DOCK11: variants seen among roughly 807,000 people sequenced by gnomAD.
DOCK11 encodes the protein dedicator of cytokinesis protein 11.
A neutral mutation model predicts 169.1 loss-of-function variants in DOCK11; 70 were observed. The observed-to-expected ratio is 0.41, with a 90% CI of 0.34 to 0.51. DOCK11 has a LOEUF of 0.51. Ranked by LOEUF, DOCK11 falls within the 20% of genes least tolerant of loss-of-function variation. DOCK11 has a pLI of 0.10. For synonymous variants in DOCK11, 529 were observed against 541.3 expected, an observed-to-expected ratio of 0.98 and a Z score of 0.32; for missense variants, 1,166 against 1,538.8, an observed-to-expected ratio of 0.76 and a Z score of 4.05.
chrX:118,681,218 A>G lies in DOCK11; in HGVS notation c.5832A>G (p.Gln1944=). The G allele has an allele frequency of 8.3e-7, 1 of 1,199,411 alleles. No homozygotes were observed. Among genetic ancestry groups the G allele is most frequent in the Non-Finnish European group, 1.1e-6 (1 of 890,661 alleles). Residue 1944 remains glutamine (Q), a synonymous_variant, in exon 50 of 53, where the codon CAA becomes CAG. Transcript: ENST00000276202. ...CTGACGTGGACATGATTCAGCTCCA[A>G]CTTAAATTGCAGGGCTGTGTTTCTG... The part of the protein sequence containing the change: ...SSTDVDMIQL[Q]LKLQGCVSVQ...
At chrX:118,551,286 C>T (rs1364598609) in intron 6 of DOCK11, among the ~76,000 whole-genome samples, 2 of 112,608 alleles carry the variant, frequency 1.8e-5, no homozygotes, top group Non-Finnish European at 3.7e-5. Flanking sequence ...TGCCCTGTGG[C>T]TTGACACTGG....
intron 45 of DOCK11, among the ~76,000 whole-genome samples, chrX:118,667,420 CAG>C (rs1279706903): frequency 1.7e-5 from 1 of 59,577 alleles, no homozygotes; most frequent in African/African-American, 6.0e-5. Context: ...TTTTTTAAGA[CAG>C]TTTTTTTTTT....
chrX:118,661,465 T>G (rs996635787), intron 44 of DOCK11, among the ~76,000 whole-genome samples: 42 of 110,994 alleles, frequency 3.8e-4, no homozygotes, highest in African/African-American at 1.3e-3. Context: ...GTCTGATTTT[T>G]TTTTTAAACC....
At chrX:118,652,341 T>G (rs1350966966) in intron 42 of DOCK11, among the ~76,000 whole-genome samples, 1 of 111,189 alleles carries the variant, frequency 9.0e-6, no homozygotes, top group African/African-American at 3.3e-5. Flanking sequence ...AAGTCGAATC[T>G]GAATTTTTTT....
chrX:118,635,693 T>G (rs1323909325), intron 35 of DOCK11, among the ~76,000 whole-genome samples: 2 of 111,715 alleles, frequency 1.8e-5, no homozygotes, highest in Non-Finnish European at 3.8e-5. Flanking sequence ...GTTCAAGTGA[T>G]TCTCCTGCCT....
chrX:118,679,139 A>G (rs2016680912), intron 48 of DOCK11, among the ~76,000 whole-genome samples: 1 of 110,613 alleles, frequency 9.0e-6, no homozygotes, highest in Non-Finnish European at 1.9e-5. Context: ...ATGTTGCCCA[A>G]GCTGGTCTCA....
intron 41 of DOCK11, among the ~76,000 whole-genome samples, chrX:118,650,120 A>T (rs1473975512): frequency 9.0e-6 from 1 of 111,648 alleles, no homozygotes; most frequent in Non-Finnish European, 1.9e-5. Context: ...ATCATAGCTT[A>T]AATCCTTACA....
intron 14 of DOCK11, among the ~76,000 whole-genome samples, chrX:118,582,234 T>C (rs760231528): frequency 8.9e-6 from 1 of 111,838 alleles, no homozygotes; most frequent in Admixed American, 9.5e-5. Flanking sequence ...TCTTTGAAGA[T>C]GAGGAAATTG....
Position 118,681,078 on chromosome X carries a change from G to A in DOCK11, c.5692G>A (p.Val1898Met), listed in dbSNP as rs777195913. 5.1e-6 allele frequency: 6 copies of A among 1,173,632 alleles called. No homozygotes were observed. The highest frequency in any genetic ancestry group is 3.1e-5 in the East Asian group (1 of 32,621). The change falls in exon 50 of 53, where the codon GTG becomes ATG. Residue 1898 changes from valine (V) to methionine (M), a missense_variant. Transcript: ENST00000276202. ...AATAGCTTCAAACTCGTTTCCTTAC[G>A]TGAAGAAGAGGATTCCTATTAACTG... ...ILTTSNSFPY[V>M]KKRIPINCEQ... is the part of the protein sequence containing the mutation.
chrX:118,659,164 G>A (rs1458659561), intron 44 of DOCK11, among the ~76,000 whole-genome samples: 1 of 110,931 alleles, frequency 9.0e-6, no homozygotes, highest in Non-Finnish European at 1.9e-5. Context: ...TTTAATCAAG[G>A]GTTGCACTGC....
intron 1 of DOCK11, among the ~76,000 whole-genome samples, chrX:118,502,229 C>T (rs780503529): frequency 9.0e-6 from 1 of 111,527 alleles, no homozygotes; most frequent in Non-Finnish European, 1.9e-5. Context: ...CCTTAAACAC[C>T]CCTGCCTGTT....
intron 6 of DOCK11, among the ~76,000 whole-genome samples, chrX:118,554,821 A>C (rs2012626613): frequency 9.0e-6 from 1 of 111,669 alleles, no homozygotes; most frequent in African/African-American, 3.3e-5. Flanking sequence ...CTTTGGTATC[A>C]CCTTGTGCCT....
chrX:118,609,420 A>G (rs2014621595), intron 27 of DOCK11, 71 bp downstream of exon 27: 3 of 801,240 alleles, frequency 3.7e-6, no homozygotes, highest in East Asian at 7.2e-5. Flanking sequence ...ATAATATTTG[A>G]TGGAGACAAA....
intron 1 of DOCK11, among the ~76,000 whole-genome samples, chrX:118,521,348 C>A (rs779434939): frequency 8.9e-6 from 1 of 112,269 alleles, no homozygotes; most frequent in African/African-American, 3.2e-5. Flanking sequence ...AGGGATAATC[C>A]ATGGTCAACC....
chrX:118,538,309 G>A (rs1372886190), intron 1 of DOCK11, among the ~76,000 whole-genome samples: 1 of 111,828 alleles, frequency 8.9e-6, no homozygotes, highest in Non-Finnish European at 1.9e-5. Flanking sequence ...GTTTCCTGAT[G>A]GATAAAGTTG....
chrX:118,597,556 G>A lies in DOCK11; in HGVS notation c.2385+4G>A. 8.3e-7 allele frequency: 1 copy of A among 1,210,253 alleles called. No individual in the cohort carries two copies. Among genetic ancestry groups the A allele is most frequent in the Non-Finnish European group, 1.1e-6 (1 of 894,643 alleles). On this transcript the variant is annotated splice_donor_region_variant and intron_variant, in intron 21 of 52. Transcript: ENST00000276202. ...GAATGATGCAGAATCAAGAAGGGTA[G>A]GAAAATACTGCATTTGTTGAAGTAA...
intron 46 of DOCK11, among the ~76,000 whole-genome samples, chrX:118,674,788 G>GTGTTC (rs1414132777): frequency 2.7e-5 from 3 of 112,127 alleles, no homozygotes; most frequent in Non-Finnish European, 5.6e-5. Context: ...TCGATCATCA[G>GTGTTC]TGTTCTAGGA....
In DOCK11 at chrX:118,666,312, A is replaced by T. The variant is rs574042284; in HGVS notation, c.5076+3520A>T. ...ATGTAATAAAATCTTAAACAATTTG[A>T]TGAATTTTGACAGTTGTATACACCC... On this transcript the variant is annotated intron_variant, in intron 45 of 52. Coordinates refer to ENST00000276202, the MANE Select transcript of DOCK11 (RefSeq NM_144658.4). Among the ~76,000 whole-genome samples, 11 of 112,110 alleles carry T rather than the reference A, an allele frequency of 9.8e-5. No homozygotes were observed. The East Asian group carries it at 2.5e-3, about 25-fold the overall frequency.
At chrX:118,665,243 A>C (rs956978080) in intron 45 of DOCK11, among the ~76,000 whole-genome samples, 7 of 112,667 alleles carry the variant, frequency 6.2e-5, no homozygotes, top group African/African-American at 1.9e-4. Flanking sequence ...ATAGATACTT[A>C]AAATATGTTT....
Sources: allele counts gnomAD v4.1 joint callset (sites outside exome capture counted in the v4.1 genomes callset), GRCh38; gene constraint gnomAD v4.1.1; transcripts MANE v1.5; gene names NCBI Gene and HGNC (gene_info 2026-07-23, HGNC 2026-07-21).